DSCAM: variants seen among roughly 807,000 people sequenced by gnomAD.
DSCAM encodes the protein cell adhesion molecule DSCAM.
In DSCAM, 47 loss-of-function variants were observed where a neutral mutation model predicts 217.7. The observed-to-expected ratio is 0.22, with a 90% CI of 0.17 to 0.28. DSCAM has a LOEUF of 0.28. Among genes scored for constraint, DSCAM ranks in the 10% least tolerant of loss-of-function variants. The pLI is 1.00. For synonymous variants in DSCAM, 1,056 were observed against 1,015.3 expected (o/e 1.04, Z -0.76); for missense variants, 2,080 against 2,618.3 (o/e 0.79, Z 4.49).
intron 10 of DSCAM, among the ~76,000 whole-genome samples, chr21:40,286,347 C>CA (rs1464945722): frequency 3.3e-5 from 5 of 151,950 alleles, no homozygotes; most frequent in East Asian, 1.9e-4. Context: ...GCAGCAAGGG[C>CA]AAAAAAAGAA....
At chr21:40,576,819 TTAAC>T (rs1000375368) in intron 3 of DSCAM, among the ~76,000 whole-genome samples, 102 of 152,148 alleles carry the variant, frequency 6.7e-4, no homozygotes, top group African/African-American at 2.3e-3. Context: ...ACTCCTAGAA[TTAAC>T]TAATAATCAT....
intron 5 of DSCAM, among the ~76,000 whole-genome samples, chr21:40,351,884 G>A (rs1315786241): frequency 6.6e-6 from 1 of 152,164 alleles, no homozygotes; most frequent in African/African-American, 2.4e-5. Flanking sequence ...AAGAGAGTTG[G>A]GAAGTGTTAG....
chr21:40,370,537 A>T (rs1356186422), intron 3 of DSCAM, among the ~76,000 whole-genome samples: 2 of 152,142 alleles, frequency 1.3e-5, no homozygotes, highest in Non-Finnish European at 2.9e-5. Context: ...TTACATATTT[A>T]AATTGTAAAG....
chr21:40,311,931 G>GTTTTT, intron 9 of DSCAM, 150 bp downstream of exon 9: 1 of 496,982 alleles, frequency 2.0e-6, no homozygotes, highest in Non-Finnish European at 3.1e-6. Flanking sequence ...GTTTAGAGTC[G>GTTTTT]TATTTTTTTT....
chr21:40,055,377 G>T (rs1193823299), intron 29 of DSCAM, among the ~76,000 whole-genome samples: 9 of 152,296 alleles, frequency 5.9e-5, no homozygotes, highest in Non-Finnish European at 1.3e-4. Context: ...TAGAGTGCAG[G>T]CCTTCTGGAT....
intron 20 of DSCAM, among the ~76,000 whole-genome samples, chr21:40,122,585 C>T (rs2090046867): frequency 6.6e-6 from 1 of 152,154 alleles, no homozygotes; most frequent in Non-Finnish European, 1.5e-5. Flanking sequence ...GGCACAATGG[C>T]TCAGCTTTTT....
Position 40,312,082 on chromosome 21 carries a change from T to C in DSCAM, c.2061A>G (p.Arg687=). The change falls in exon 9 of 33, where the codon AGA becomes AGG. Residue 687 remains arginine, a splice_region_variant and synonymous_variant. Coordinates refer to ENST00000400454, the MANE Select transcript of DSCAM (RefSeq NM_001389.5). ...CATGGCTCATGATCCTTTGCTCACC[T>C]CTGACAATCAACTGGCTTTGGTGCT... is the stretch of plus-strand genomic sequence containing the variant. ...AVEHQSQLIV[R]VPPKFVVQPR... The C allele has an allele frequency of 1.2e-6, 2 of 1,613,468 alleles. No homozygotes were observed. The highest frequency in any genetic ancestry group is 1.7e-6 in the Non-Finnish European group (2 of 1,179,498).
At chr21:40,766,079 A>C (rs2123361565) in intron 1 of DSCAM, among the ~76,000 whole-genome samples, 1 of 152,260 alleles carries the variant, frequency 6.6e-6, no homozygotes, top group African/African-American at 2.4e-5. Context: ...CACTTCATAA[A>C]TTTCTAACAA....
chr21:40,064,292 G>A (rs186742968), intron 27 of DSCAM, among the ~76,000 whole-genome samples: 20 of 152,174 alleles, frequency 1.3e-4, no homozygotes, highest in African/African-American at 4.3e-4. Context: ...ACAAATTCAA[G>A]GAGTAAACAT....
intron 15 of DSCAM, among the ~76,000 whole-genome samples, chr21:40,174,653 T>G (rs1476788834): frequency 6.6e-6 from 1 of 152,112 alleles, no homozygotes; most frequent in Non-Finnish European, 1.5e-5. Context: ...TATGGCTCAC[T>G]GAGGGGGTAT....
chr21:40,526,738 T>C (rs1004034546), intron 3 of DSCAM, among the ~76,000 whole-genome samples: 9 of 152,100 alleles, frequency 5.9e-5, no homozygotes, highest in Non-Finnish European at 5.9e-5. Context: ...CAGTTCACAG[T>C]ATATACATAT....
At chr21:40,439,951 C>T (rs756062714) in intron 3 of DSCAM, among the ~76,000 whole-genome samples, 5 of 152,176 alleles carry the variant, frequency 3.3e-5, no homozygotes, top group African/African-American at 1.2e-4. Flanking sequence ...ATAGCCAAAC[C>T]ATATCACCTT....
intron 3 of DSCAM, among the ~76,000 whole-genome samples, chr21:40,615,736 A>C (rs947006761): frequency 9.9e-5 from 15 of 152,192 alleles, no homozygotes; most frequent in Non-Finnish European, 1.9e-4. Context: ...AGACAGATGG[A>C]GCTAAAGTCT....
intron 3 of DSCAM, among the ~76,000 whole-genome samples, chr21:40,671,426 A>C (rs1171848275): frequency 1.3e-5 from 2 of 152,164 alleles, no homozygotes; most frequent in Non-Finnish European, 2.9e-5. Flanking sequence ...CTGTAATCCC[A>C]GCAGTTTGGG....
Position 40,133,959 on chromosome 21 carries a change from C to G in DSCAM, c.3457G>C (p.Asp1153His), listed in dbSNP as rs1204918455. Residue 1153 changes from aspartate (D) to histidine (H), a missense_variant, in exon 19 of 33, where the codon GAC (aspartate) becomes CAC (histidine). Asp to His is a moderately conservative substitution (Grantham distance 81). Transcript: ENST00000400454. ...ITTTQPSLELDGLEKYTNYSI... is the reference protein window; with the variant it reads ...ITTTQPSLELHGLEKYTNYSI... ...TAGTTGGTGTACTTTTCCAGCCCGT[C>G]CAGCTCCAGTGAAGGCTGTGTGGTG... 6.2e-7 allele frequency: 1 copy of G among 1,613,494 alleles called. No individual in the cohort carries two copies. Among genetic ancestry groups the G allele is most frequent in the Non-Finnish European group, 8.5e-7 (1 of 1,179,782 alleles).
At chr21:40,345,579 AT>A (rs894672145) in intron 6 of DSCAM, among the ~76,000 whole-genome samples, 59 of 152,268 alleles carry the variant, frequency 3.9e-4, no homozygotes, top group African/African-American at 1.4e-3. Context: ...ATTAAATTCC[AT>A]TTTATAGCCT....
intron 1 of DSCAM, among the ~76,000 whole-genome samples, chr21:40,825,310 CTTCCT>C (rs1376767373): frequency 1.4e-5 from 2 of 141,820 alleles, no homozygotes; most frequent in African/African-American, 5.3e-5. Flanking sequence ...TCCTTCCTTC[CTTCCT>C]TTTTTTCTTC....
At chr21:40,385,766 C>T (rs907909611) in intron 3 of DSCAM, among the ~76,000 whole-genome samples, 18 of 152,142 alleles carry the variant, frequency 1.2e-4, no homozygotes, top group African/African-American at 4.3e-4. Context: ...CTTTGCAATG[C>T]TTTGTCTTTT....
intron 2 of DSCAM, among the ~76,000 whole-genome samples, chr21:40,699,093 C>G (rs1192222772): frequency 1.3e-5 from 2 of 152,132 alleles, no homozygotes; most frequent in Non-Finnish European, 2.9e-5. Flanking sequence ...CACTTTGTGT[C>G]TCTGTGTCAC....
Sources: allele counts gnomAD v4.1 joint callset (sites outside exome capture counted in the v4.1 genomes callset), GRCh38; gene constraint gnomAD v4.1.1; transcripts MANE v1.5; gene names NCBI Gene and HGNC (gene_info 2026-07-23, HGNC 2026-07-21).